Variants in ABITRAM observed in about 807,000 individuals in gnomAD.
ABITRAM encodes actin binding transcription modulator, also known as protein Abitram.
Under a neutral mutation model 22.9 loss-of-function variants are expected in ABITRAM, and 19 were observed. That is an observed-to-expected ratio of 0.83 (90% CI 0.58 to 1.22). The LOEUF (loss-of-function observed/expected upper bound fraction) is 1.22, where lower values mean the gene tolerates loss of function less well. Ranked by LOEUF, ABITRAM falls within the 50% of genes most tolerant of loss-of-function variation. The pLI is 0.00. For missense variants in ABITRAM, 215 were observed against 220.2 expected, an observed-to-expected ratio of 0.98 and a Z score of 0.15; for synonymous variants, 70 against 73.9, an observed-to-expected ratio of 0.95 and a Z score of 0.27.
chr9:108,947,581 C>T (rs912467879), intron 3 of ABITRAM, among the ~76,000 whole-genome samples: 1 of 152,148 alleles, frequency 6.6e-6, no homozygotes, highest in African/African-American at 2.4e-5. Context: ...AATTTTGCAA[C>T]CCACTTGCCA....
At chr9:108,950,030 A>G (rs1049221185) in intron 3 of ABITRAM, among the ~76,000 whole-genome samples, 13 of 151,902 alleles carry the variant, frequency 8.6e-5, no homozygotes, top group African/African-American at 3.1e-4. Context: ...TCTCAAAAAA[A>G]AAAAAAAAAA....
chr9:108,937,714 A>G (rs915803117), intron 3 of ABITRAM, among the ~76,000 whole-genome samples: 1 of 152,198 alleles, frequency 6.6e-6, no homozygotes, highest in Non-Finnish European at 1.5e-5. Flanking sequence ...TAAGGCAGGT[A>G]CAGTTGCTCA....
intron 3 of ABITRAM, among the ~76,000 whole-genome samples, chr9:108,937,724 A>G (rs1285452027): frequency 6.6e-6 from 1 of 152,134 alleles, no homozygotes; most frequent in Non-Finnish European, 1.5e-5. Context: ...ACAGTTGCTC[A>G]TGCCTGTAAT....
Position 108,939,414 on chromosome 9 carries a change from A to T in ABITRAM, c.368A>T (p.Asn123Ile). 2 of 1,611,514 alleles carry T rather than the reference A, an allele frequency of 1.2e-6. No homozygotes were observed. The highest frequency in any genetic ancestry group is 1.7e-6 in the Non-Finnish European group (2 of 1,179,352). Residue 123 changes from asparagine (N) to isoleucine (I), a missense_variant, in exon 5 of 6, where the codon AAT becomes ATT. Coordinates refer to ENST00000322940, the MANE Select transcript of ABITRAM (RefSeq NM_017832.4). Reference protein sequence around the residue: ...SCVRGRLMEVNENILHKPSIL... With the variant: ...SCVRGRLMEVIENILHKPSIL... The stretch of plus-strand genomic sequence containing the variant: ...GTTAGAGGACGTTTGATGGAAGTGA[A>T]TGAAAACATCCTCCATAAGCCATCT...
intron 3 of ABITRAM, chr9:108,950,428 A>G (rs916307400): frequency 4.8e-6 from 7 of 1,446,784 alleles, no homozygotes; most frequent in Admixed American, 2.4e-5. Context: ...ATGATGGAAA[A>G]TATGATAAGG....
chr9:108,941,399 A>G (rs1259092518), downstream of ABITRAM, among the ~76,000 whole-genome samples: 2 of 152,346 alleles, frequency 1.3e-5, no homozygotes, highest in East Asian at 1.9e-4. Flanking sequence ...AATTGTGTAT[A>G]ACATTTTACA....
chr9:108,936,019 A>G, intron 2 of ABITRAM: 1 of 488,160 alleles, frequency 2.0e-6, no homozygotes, highest in Non-Finnish European at 3.7e-6. Context: ...CATGTATGGT[A>G]TCTCGTATAC....
At chr9:108,942,541 A>G (rs1459667124), downstream of ABITRAM, 1 of 542,596 alleles carries the variant, frequency 1.8e-6, no homozygotes, top group African/African-American at 1.9e-5. Flanking sequence ...CATTAGTGCA[A>G]TGTTCTATTT....
downstream of ABITRAM, chr9:108,944,017 A>C (rs757454468): frequency 1.2e-6 from 2 of 1,613,344 alleles, no homozygotes; most frequent in South Asian, 1.1e-5. Flanking sequence ...TGCAGCAAAA[A>C]CCTGGTAGAA....
At chr9:108,942,678 G>A (rs1399075272), downstream of ABITRAM, 1 of 895,862 alleles carries the variant, frequency 1.1e-6, no homozygotes, top group East Asian at 2.5e-5. Context: ...TTATAAAATT[G>A]ATGAATTTCT....
At chr9:108,946,641 A>G (rs1234092315) in intron 3 of ABITRAM, among the ~76,000 whole-genome samples, 1 of 152,170 alleles carries the variant, frequency 6.6e-6, no homozygotes, top group Non-Finnish European at 1.5e-5. Context: ...CTTATTGTCT[A>G]TATTCTGCCA....
Position 108,934,422 on chromosome 9 carries a change from G to A in ABITRAM, c.-65G>A, listed in dbSNP as rs1312723488. ...GCTGTGCGCCGGAAGAGCACGCCCA[G>A]TCCGGGCTGCGCGGAGGAAGCGCTG... On this transcript the variant is annotated 5_prime_UTR_variant, in exon 1 of 6. Transcript: ENST00000322940. 4 of 1,441,028 alleles carry A rather than the reference G, an allele frequency of 2.8e-6. No homozygotes were observed. The highest frequency in any genetic ancestry group is 2.6e-5 in the South Asian group (2 of 77,802). The allele number at this position is 1,441,028 out of a possible 1,614,324, so 89.3% of individuals were successfully genotyped here.
downstream of ABITRAM, chr9:108,942,722 G>A: frequency 8.5e-7 from 1 of 1,170,068 alleles, no homozygotes; most frequent in Non-Finnish European, 1.3e-6. Flanking sequence ...TTTTAAAAAT[G>A]TCAGCTTCAT....
At chr9:108,938,621 T>C (rs1178715949) in intron 3 of ABITRAM, among the ~76,000 whole-genome samples, 1 of 148,682 alleles carries the variant, frequency 6.7e-6, no homozygotes, top group African/African-American at 2.5e-5. Flanking sequence ...TTCCTCAAAG[T>C]GCATGTTTTT....
downstream of ABITRAM, among the ~76,000 whole-genome samples, chr9:108,941,539 C>G (rs1830255635): frequency 6.6e-6 from 1 of 152,162 alleles, no homozygotes; most frequent in African/African-American, 2.4e-5. Context: ...AGGTTATTAA[C>G]AGAGCTGAGT....
At position 108,948,443 on chromosome 9, in the gene ABITRAM, TTA is replaced by T. The variant is rs1478292512; in HGVS notation, c.262-2062_262-2061del. On this transcript the variant is annotated intron_variant, in intron 3 of 3. Transcript: ENST00000374624. ...TAAGATATTTTTCCCCAAGTAAACC[TTA>T]TGTTAATTTCATAATATAAAAAATT... 4.6e-5 allele frequency among the ~76,000 whole-genome samples: 7 copies of T among 152,318 alleles called. No individual in the cohort carries two copies. In the East Asian group the frequency reaches 1.4e-3, roughly 29 times the overall value.
Position 108,939,601 on chromosome 9 carries a change from A to G in ABITRAM, c.461A>G (p.Lys154Arg), listed in dbSNP as rs1158730604. The G allele has an allele frequency of 6.2e-7, 1 of 1,614,068 alleles. No homozygotes were observed. Among genetic ancestry groups the G allele is most frequent in the African/African-American group, 1.3e-5 (1 of 74,932 alleles). Residue 154 changes from lysine to arginine, a missense_variant, in exon 6 of 6, where the codon AAA becomes AGA. Physicochemically the swap from Lys to Arg is conservative, Grantham distance 26 (BLOSUM62 2). Transcript: ENST00000322940. Reference protein sequence around the residue: ...AVVLPKFEESKSITEGLLTQK... With the variant: ...AVVLPKFEESRSITEGLLTQK... ...GTGTTACCCAAATTTGAAGAAAGTAAAAGCATAACAGAAGGGTTACTGACA... is the reference window on the plus strand; with the variant it reads ...GTGTTACCCAAATTTGAAGAAAGTAGAAGCATAACAGAAGGGTTACTGACA...
chr9:108,935,794 C>T, intron 2 of ABITRAM, 105 bp downstream of exon 2: 1 of 723,302 alleles, frequency 1.4e-6, no homozygotes, highest in Non-Finnish European at 2.4e-6. Context: ...ACTAAACAAA[C>T]ATGCATTAAT....
Position 108,939,336 on chromosome 9 carries a change from A to ATT in ABITRAM, c.339-42_339-41dup, listed in dbSNP as rs554132031. The ATT allele has an allele frequency of 3.5e-4, 558 of 1,587,700 alleles. 1 individual carries two copies. In the Middle Eastern group the frequency reaches 5.8e-3, roughly 16 times the overall value. ...GAGGTAATTTTTTTTCTTAGAAACA[A>ATT]TTTTTTTTAACTAAGTAAACATGCT... is the stretch of plus-strand genomic sequence containing the variant. On this transcript the variant is annotated intron_variant, in intron 4 of 5. Coordinates refer to ENST00000322940, the MANE Select transcript of ABITRAM (RefSeq NM_017832.4).
Sources: gnomAD v4.1 joint callset for allele counts (sites outside exome capture counted in the v4.1 genomes callset) on GRCh38, gnomAD v4.1.1 for gene constraint, MANE v1.5 for transcripts, NCBI Gene and HGNC (gene_info 2026-07-23, HGNC 2026-07-21) for gene names.